Variants in NPLOC4 observed in about 807,000 individuals in gnomAD.
NPLOC4 encodes the protein nuclear protein localization protein 4 homolog.
A neutral mutation model predicts 80.6 loss-of-function variants in NPLOC4; 18 were observed. The observed-to-expected ratio is 0.22, with a 90% confidence interval of 0.15 to 0.33. The LOEUF is 0.33. NPLOC4 is among the 10% of genes least tolerant of loss of function. The pLI is 1.00. For missense variants in NPLOC4, 540 were observed against 786.1 expected (o/e 0.69, Z 3.74); for synonymous variants, 313 against 301.5 (o/e 1.04, Z -0.39).
chr17:81,590,821 T>TA (rs1426569904), intron 11 of NPLOC4, among the ~76,000 whole-genome samples: 1 of 152,098 alleles, frequency 6.6e-6, no homozygotes, highest in Admixed American at 6.5e-5. Flanking sequence ...AGGGAGGAGA[T>TA]AGAGCTGGCC....
intron 3 of NPLOC4, among the ~76,000 whole-genome samples, chr17:81,621,318 T>C (rs1327315309): frequency 6.6e-6 from 1 of 152,198 alleles, no homozygotes; most frequent in Non-Finnish European, 1.5e-5. Context: ...CAATTGCATG[T>C]TGTGTCCCTA....
Position 81,559,313 on chromosome 17 carries a change from G to A in NPLOC4, c.1773C>T (p.Phe591=). The part of the protein sequence containing the change: ...AAMWACQHCT[F]MNQPGTGHCE... Reference sequence around the variant, plus strand: ...AGTGGCCTGTGCCTGGCTGGTTCATGAACGTGCAGTGCTGACAGGCCCACA... The same window carrying A: ...AGTGGCCTGTGCCTGGCTGGTTCATAAACGTGCAGTGCTGACAGGCCCACA... Residue 591 remains phenylalanine (F), a synonymous_variant, in exon 17 of 17, where the codon TTC becomes TTT. Coordinates refer to ENST00000331134, the MANE Select transcript of NPLOC4 (RefSeq NM_017921.4). 4 of 1,606,694 alleles carry A rather than the reference G, an allele frequency of 2.5e-6. No homozygotes were observed. The highest frequency in any genetic ancestry group is 1.7e-5 in the Admixed American group (1 of 58,744).
intron 2 of NPLOC4, among the ~76,000 whole-genome samples, chr17:81,628,876 A>C (rs1227815705): frequency 1.4e-5 from 2 of 140,892 alleles, no homozygotes; most frequent in Admixed American, 7.6e-5. Context: ...TCATATCTAC[A>C]ATTCATACTT....
At chr17:81,589,954 G>T (rs1341916358) in intron 11 of NPLOC4, among the ~76,000 whole-genome samples, 2 of 152,164 alleles carry the variant, frequency 1.3e-5, no homozygotes, top group African/African-American at 4.8e-5. Flanking sequence ...AACACCAGGG[G>T]TGTAAACGGC....
chr17:81,622,380 G>A, intron 2 of NPLOC4, 102 bp from the exon 3 acceptor site: 1 of 870,876 alleles, frequency 1.1e-6, no homozygotes, highest in Non-Finnish European at 1.9e-6. Flanking sequence ...ACCAAATTTG[G>A]AAAGTGCCCA....
chr17:81,614,805 G>A (rs2035436172), intron 3 of NPLOC4, among the ~76,000 whole-genome samples: 1 of 152,194 alleles, frequency 6.6e-6, no homozygotes, highest in South Asian at 2.1e-4. Context: ...AGAGATGGCT[G>A]CCAACACTAA....
At position 81,597,257 on chromosome 17, in the gene NPLOC4, G is replaced by C; in HGVS notation, c.981C>G (p.Tyr327Ter). Residue 327 changes from tyrosine (Y) to a stop codon, truncating the protein, a stop_gained, in exon 10 of 17, where the codon TAC becomes TAG. Transcript: ENST00000331134. LOFTEE classifies it high-confidence loss of function. ...GTCTCCACCTCACCTTATTTCGACTGTAGCGGACGGTACCCTTTCGGGTAT... is the reference window on the plus strand; with the variant it reads ...GTCTCCACCTCACCTTATTTCGACTCTAGCGGACGGTACCCTTTCGGGTAT... The part of the protein sequence containing the change: ...SEDTRKGTVR[Y>*]SRNKDTYFLS... 6.2e-7 allele frequency: 1 copy of C among 1,613,432 alleles called. No individual in the cohort carries two copies. The highest frequency in any genetic ancestry group is 8.5e-7 in the Non-Finnish European group (1 of 1,179,414).
intron 12 of NPLOC4, among the ~76,000 whole-genome samples, chr17:81,578,241 G>A (rs1034756651): frequency 3.3e-5 from 5 of 152,176 alleles, no homozygotes; most frequent in African/African-American, 1.2e-4. Context: ...CCCGCCGGGT[G>A]CATGCTGTGC....
chr17:81,570,408 C>G (rs946844502), intron 13 of NPLOC4, among the ~76,000 whole-genome samples: 4 of 152,214 alleles, frequency 2.6e-5, no homozygotes, highest in African/African-American at 9.7e-5. Context: ...GAGACAAAAG[C>G]CTGGCCTGCT....
intron 2 of NPLOC4, among the ~76,000 whole-genome samples, chr17:81,624,418 C>CA (rs1231765078): frequency 6.6e-6 from 1 of 151,610 alleles, no homozygotes; most frequent in Admixed American, 6.6e-5. Context: ...AACTCCGTCT[C>CA]AAAAAAACAA....
chr17:81,592,013 C>T (rs965850845), intron 11 of NPLOC4, among the ~76,000 whole-genome samples: 10 of 152,206 alleles, frequency 6.6e-5, no homozygotes, highest in African/African-American at 1.9e-4. Flanking sequence ...GAGCAAAGCG[C>T]ACACTTCATT....
At chr17:81,563,967 G>T (rs8070929) in intron 16 of NPLOC4, 129,372 of 452,662 alleles carry the variant, frequency 0.29, 21,302 homozygotes, top group Non-Finnish European at 0.36. Context: ...TGTAATCCCA[G>T]CTACTCGGGA....
In NPLOC4 at chr17:81,596,128, C is replaced by A. The variant is rs1230972118; in HGVS notation, c.1108G>T (p.Ala370Ser). 8 of 1,613,730 alleles carry A rather than the reference C, an allele frequency of 5.0e-6. No homozygotes were observed. The highest frequency in any genetic ancestry group is 6.8e-6 in the Non-Finnish European group (8 of 1,179,830). ...GTCCCTGTTATACCTGTAGCCACTG[C>A]AGTAACAAACTTGGATCCAAAATGT... Reference protein sequence around the residue: ...DGHFGSKFVTAVATGGPDNQV... With the variant: ...DGHFGSKFVTSVATGGPDNQV... Residue 370 changes from alanine to serine, a missense_variant, in exon 11 of 17, where the codon GCA becomes TCA. Physicochemically the swap from Ala to Ser is moderately conservative, Grantham distance 99 (BLOSUM62 1). This residue lies in a region of NPLOC4 where 251 missense variants were observed against 377.5 expected (regional missense o/e 0.66). Coordinates refer to ENST00000331134, the MANE Select transcript of NPLOC4 (RefSeq NM_017921.4).
At chr17:81,607,651 GC>G (rs2035241556) in intron 6 of NPLOC4, among the ~76,000 whole-genome samples, 1 of 151,988 alleles carries the variant, frequency 6.6e-6, no homozygotes, top group Admixed American at 6.6e-5. Context: ...CCACAAACAC[GC>G]CCCCACTAGA....
At position 81,567,415 on chromosome 17, in the gene NPLOC4, A is replaced by G; in HGVS notation, c.1566+2T>C. On this transcript the variant is annotated splice_donor_variant, in intron 15 of 16. Transcript: ENST00000331134. LOFTEE classifies it high-confidence loss of function. The surrounding 1 kb of genome is among the most constrained non-coding windows in gnomAD (Gnocchi z 4.5). ...AAGTGGACACCACACTTGGACACGCACCTGCAGAGGCATAACTTCATTGGT... is the reference window on the plus strand; with the variant it reads ...AAGTGGACACCACACTTGGACACGCGCCTGCAGAGGCATAACTTCATTGGT... The G allele has an allele frequency of 6.3e-7, 1 of 1,592,846 alleles. No homozygotes were observed. The highest frequency in any genetic ancestry group is 8.6e-7 in the Non-Finnish European group (1 of 1,161,494).
chr17:81,618,535 GAGGGGTC>G (rs2035571812), intron 3 of NPLOC4, among the ~76,000 whole-genome samples: 1 of 111,154 alleles, frequency 9.0e-6, no homozygotes, highest in Non-Finnish European at 1.8e-5. Context: ...GGAGGGAGGT[GAGGGGTC>G]AGTGCCCCCG....
chr17:81,559,471 C>A, intron 16 of NPLOC4, 55 bp from the exon 17 acceptor site: 3 of 1,542,794 alleles, frequency 1.9e-6, no homozygotes, highest in East Asian at 2.4e-5. Flanking sequence ...CAGAGACTGC[C>A]AGAGTGTGGG....
Position 81,572,050 on chromosome 17 carries a change from G to T in NPLOC4, c.1320C>A (p.Ala440=). The T allele has an allele frequency of 6.2e-7, 1 of 1,608,206 alleles. No individual in the cohort carries two copies. Among genetic ancestry groups the T allele is most frequent in the Non-Finnish European group, 8.5e-7 (1 of 1,176,738 alleles). ...TGAGATACTCCACAGGCAGGGGCCG[G>T]GCCAGCTGGGTGATCTCGTTGCCAA... ...DKFGNEITQL[A]RPLPVEYLII... Residue 440 remains alanine (A), a synonymous_variant, in exon 13 of 17, where the codon GCC becomes GCA. Transcript: ENST00000331134. The surrounding 1 kb of genome is among the most constrained non-coding windows in gnomAD (Gnocchi z 4.5).
intron 11 of NPLOC4, among the ~76,000 whole-genome samples, chr17:81,595,045 T>C (rs1025895547): frequency 6.6e-6 from 1 of 152,154 alleles, no homozygotes; most frequent in Admixed American, 6.5e-5. Context: ...CTTTTCTTTC[T>C]TTTTTTCCAA....
Sources: allele counts gnomAD v4.1 joint callset (sites outside exome capture counted in the v4.1 genomes callset), GRCh38; gene constraint gnomAD v4.1.1; regional missense constraint gnomAD v4.1.1; non-coding constraint Gnocchi (gnomAD v3.1); transcripts MANE v1.5; gene names NCBI Gene and HGNC (gene_info 2026-07-23, HGNC 2026-07-21).